The following CAST variants were observed in gnomAD, a reference collection of about 807,000 sequenced individuals.
The protein encoded by CAST is MIR583 host.
A neutral mutation model predicts 119.6 loss-of-function variants in CAST; 76 were observed. That is an observed-to-expected ratio of 0.64 (90% CI 0.53 to 0.77). The LOEUF is 0.77. CAST is among the 30% of genes least tolerant of loss of function. The pLI, the probability that CAST is intolerant of heterozygous loss-of-function variation, is 0.00. For synonymous variants in CAST, 319 were observed against 331.6 expected (o/e 0.96, Z 0.41); for missense variants, 953 against 946.5 (o/e 1.01, Z -0.09).
intron 1 of CAST, among the ~76,000 whole-genome samples, chr5:96,633,901 C>T (rs959235130): frequency 2.0e-5 from 3 of 152,220 alleles, no homozygotes; most frequent in Non-Finnish European, 4.4e-5. Context: ...AATCTATCCT[C>T]TCCTTTTACT....
At chr5:96,085,134 G>A in the CAST span, among the ~76,000 whole-genome samples, 2 of 152,094 alleles carry the variant, frequency 1.3e-5, no homozygotes, top group South Asian at 2.1e-4. Flanking sequence ...AACACAGTCT[G>A]ATTGAAAGAA....
At chr5:96,560,838 C>A (rs1284679361) in intron 1 of CAST, among the ~76,000 whole-genome samples, 1 of 152,140 alleles carries the variant, frequency 6.6e-6, no homozygotes, top group Non-Finnish European at 1.5e-5. Flanking sequence ...TTGACCCAGC[C>A]ATCCCATTAC....
the CAST span, among the ~76,000 whole-genome samples, chr5:96,443,517 A>G: frequency 1.3e-5 from 2 of 152,214 alleles, no homozygotes; most frequent in Admixed American, 6.5e-5. Context: ...GTGATCACCA[A>G]TTTGGATACT....
chr5:96,562,792 T>C (rs1256073334), intron 1 of CAST, among the ~76,000 whole-genome samples: 1 of 152,210 alleles, frequency 6.6e-6, no homozygotes, highest in Non-Finnish European at 1.5e-5. Context: ...TGGTATACTA[T>C]GTGGCTCATA....
At chr5:96,231,644 G>A in the CAST span, among the ~76,000 whole-genome samples, 5 of 151,858 alleles carry the variant, frequency 3.3e-5, no homozygotes, top group South Asian at 8.4e-4. Context: ...TGAAGTTTAT[G>A]GTATAAATTA....
At chr5:95,988,939 A>G in the CAST span, among the ~76,000 whole-genome samples, 1 of 152,202 alleles carries the variant, frequency 6.6e-6, no homozygotes, top group Non-Finnish European at 1.5e-5. Flanking sequence ...TTTTGAAGCT[A>G]TTTAAAAAAC....
At chr5:96,202,994 G>A in the CAST span, among the ~76,000 whole-genome samples, 1 of 151,870 alleles carries the variant, frequency 6.6e-6, no homozygotes, top group Non-Finnish European at 1.5e-5. Context: ...CTACAACTGA[G>A]ATAAGCAAAA....
the CAST span, among the ~76,000 whole-genome samples, chr5:96,343,680 G>T: frequency 6.6e-6 from 1 of 152,150 alleles, no homozygotes; most frequent in African/African-American, 2.4e-5. Context: ...TTTATGAAAT[G>T]CATTTCAAAG....
intron 1 of CAST, among the ~76,000 whole-genome samples, chr5:96,664,491 G>A (rs1267918259): frequency 6.6e-6 from 1 of 151,956 alleles, no homozygotes; most frequent in African/African-American, 2.4e-5. Flanking sequence ...AAAACTCCTG[G>A]TCTCAAGCAA....
the CAST span, among the ~76,000 whole-genome samples, chr5:95,966,585 T>C: frequency 6.6e-6 from 1 of 152,058 alleles, no homozygotes; most frequent in East Asian, 1.9e-4. Flanking sequence ...AAAAAAAAAA[T>C]TGTGATTTGG....
intron 10 of CAST, among the ~76,000 whole-genome samples, chr5:96,736,751 T>C (rs2150490717): frequency 6.6e-6 from 1 of 152,312 alleles, no homozygotes; most frequent in African/African-American, 2.4e-5. Context: ...AGATTGTTGT[T>C]TTCTCCTTTC....
the CAST span, among the ~76,000 whole-genome samples, chr5:96,173,988 C>T: frequency 6.6e-6 from 1 of 152,118 alleles, no homozygotes; most frequent in Non-Finnish European, 1.5e-5. Context: ...GTGATCCTCC[C>T]GCCTTAGACT....
At chr5:96,060,020 C>T in the CAST span, among the ~76,000 whole-genome samples, 1 of 152,094 alleles carries the variant, frequency 6.6e-6, no homozygotes, top group Non-Finnish European at 1.5e-5. Context: ...GCAAACTCCA[C>T]CAAGTAATAG....
At chr5:96,724,917 T>C (rs2150414423) in intron 4 of CAST, among the ~76,000 whole-genome samples, 1 of 152,276 alleles carries the variant, frequency 6.6e-6, no homozygotes, top group East Asian at 1.9e-4. Flanking sequence ...GCCAGAAATA[T>C]AGGATTTCCT....
chr5:96,008,444 C>T, the CAST span, among the ~76,000 whole-genome samples: 5 of 152,086 alleles, frequency 3.3e-5, no homozygotes, highest in African/African-American at 1.2e-4. Flanking sequence ...TAGGTGAACA[C>T]TGTATGTATA....
At chr5:96,127,138 C>T in the CAST span, among the ~76,000 whole-genome samples, 16 of 152,044 alleles carry the variant, frequency 1.1e-4, 1 homozygote, top group East Asian at 3.9e-4. Flanking sequence ...TCAAGGTGAG[C>T]GTAATATATA....
the CAST span, among the ~76,000 whole-genome samples, chr5:96,270,271 TCA>T: frequency 6.6e-6 from 1 of 152,056 alleles, no homozygotes; most frequent in East Asian, 1.9e-4. Context: ...TATGACAAAC[TCA>T]CAGTTAATGT....
upstream of CAST, among the ~76,000 whole-genome samples, chr5:96,658,376 T>C (rs1459168896): frequency 6.6e-6 from 1 of 152,026 alleles, no homozygotes; most frequent in Non-Finnish European, 1.5e-5. Flanking sequence ...GCACCCATTA[T>C]TGGGAATGAG....
the CAST span, among the ~76,000 whole-genome samples, chr5:96,203,930 C>G: frequency 6.6e-6 from 1 of 151,890 alleles, no homozygotes; most frequent in Non-Finnish European, 1.5e-5. Flanking sequence ...AACAAATAGA[C>G]CGGGCTGATG....
Sources: allele counts gnomAD v4.1 joint callset (sites outside exome capture counted in the v4.1 genomes callset), GRCh38; gene constraint gnomAD v4.1.1; transcripts MANE v1.5; gene names NCBI Gene and HGNC (gene_info 2026-07-23, HGNC 2026-07-21).